Variants in OSBPL9 observed in about 807,000 individuals in gnomAD.
The protein encoded by OSBPL9 is oxysterol binding protein like 9, also known as oxysterol-binding protein-related protein 9.
OSBPL9 carries 40 observed loss-of-function variants against 106.6 expected under a neutral mutation model. The ratio of observed to expected loss-of-function variants is 0.38; its 90% confidence interval spans 0.29 to 0.49. The LOEUF (loss-of-function observed/expected upper bound fraction) is 0.49. OSBPL9 is among the 20% of genes least tolerant of loss of function. The pLI, the probability that OSBPL9 is intolerant of heterozygous loss-of-function variation, is 0.97. For missense variants in OSBPL9, 609 were observed against 887.2 expected, an observed-to-expected ratio of 0.69 and a Z score of 3.98; for synonymous variants, 269 against 295.4, an observed-to-expected ratio of 0.91 and a Z score of 0.92.
At chr1:51,677,611 G>A (rs1228939516) in intron 3 of OSBPL9, among the ~76,000 whole-genome samples, 1 of 151,990 alleles carries the variant, frequency 6.6e-6, no homozygotes, top group Admixed American at 6.6e-5. Flanking sequence ...GAGTGCAGTG[G>A]CACAACAACA....
intron 2 of OSBPL9, among the ~76,000 whole-genome samples, chr1:51,606,993 T>G (rs1049032371): frequency 4.6e-5 from 7 of 150,994 alleles, no homozygotes; most frequent in African/African-American, 1.7e-4. Flanking sequence ...GAGCTTGCAG[T>G]GAGCCGAGAT....
At chr1:51,584,630 C>T (rs947494088) in intron 1 of OSBPL9, among the ~76,000 whole-genome samples, 5 of 152,066 alleles carry the variant, frequency 3.3e-5, no homozygotes, top group Admixed American at 6.6e-5. Flanking sequence ...GCAGGAGAAT[C>T]GCTTGAACCT....
intron 8 of OSBPL9, among the ~76,000 whole-genome samples, chr1:51,751,198 G>A (rs1669160514): frequency 2.0e-5 from 3 of 151,904 alleles, no homozygotes; most frequent in Non-Finnish European, 2.9e-5. Flanking sequence ...ACTGATTCTC[G>A]TGCCTCAGCC....
chr1:51,724,005 G>A (rs1662636849), intron 4 of OSBPL9, among the ~76,000 whole-genome samples: 1 of 152,054 alleles, frequency 6.6e-6, no homozygotes, highest in Admixed American at 6.5e-5. Context: ...GCCATACAGT[G>A]GTGCCATCTG....
intron 3 of OSBPL9, among the ~76,000 whole-genome samples, chr1:51,692,085 T>C (rs772591893): frequency 6.6e-6 from 1 of 152,180 alleles, no homozygotes; most frequent in African/African-American, 2.4e-5. Context: ...GGCAGGAGGA[T>C]TGCTTGAGTC....
At chr1:51,707,147 G>A in intron 3 of OSBPL9, 2 of 389,684 alleles carry the variant, frequency 5.1e-6, no homozygotes, top group Non-Finnish European at 5.2e-6. Flanking sequence ...ACTCCTTGGA[G>A]GCCATGTGGA....
chr1:51,671,988 T>C (rs981886229), intron 3 of OSBPL9, among the ~76,000 whole-genome samples: 6 of 152,194 alleles, frequency 3.9e-5, no homozygotes, highest in African/African-American at 1.4e-4. Flanking sequence ...AGAGGTCAGC[T>C]CTGGCTGGAG....
the OSBPL9 span, among the ~76,000 whole-genome samples, chr1:51,559,466 C>T: frequency 6.6e-6 from 1 of 151,834 alleles, no homozygotes. Flanking sequence ...CACACACACA[C>T]ACTCCTCACA....
At chr1:51,688,041 C>T (rs60191120) in intron 3 of OSBPL9, among the ~76,000 whole-genome samples, 37,431 of 152,004 alleles carry the variant, frequency 0.25, 6,427 homozygotes, top group African/African-American at 0.48. Flanking sequence ...ATGAATGGAA[C>T]ATGACTATTC....
intron 4 of OSBPL9, among the ~76,000 whole-genome samples, chr1:51,732,064 C>T (rs1394892462): frequency 2.6e-5 from 4 of 152,100 alleles, no homozygotes; most frequent in Non-Finnish European, 5.9e-5. Context: ...ATATTTTGTA[C>T]GCTCAGCCAT....
At chr1:51,617,379 T>C (rs535080438) in intron 1 of OSBPL9, among the ~76,000 whole-genome samples, 158 bp downstream of exon 1, 1 of 152,092 alleles carries the variant, frequency 6.6e-6, no homozygotes, top group African/African-American at 2.4e-5. Context: ...ACGTCTCGGA[T>C]AGCCAATGAG....
At chr1:51,768,814 A>G (rs746073873) in intron 12 of OSBPL9, among the ~76,000 whole-genome samples, 6 of 152,148 alleles carry the variant, frequency 3.9e-5, no homozygotes, top group Admixed American at 3.3e-4. Flanking sequence ...GGTTCCTTCT[A>G]TGCTCTCCCA....
intron 3 of OSBPL9, among the ~76,000 whole-genome samples, chr1:51,673,293 T>C (rs1650350456): frequency 6.6e-6 from 1 of 152,202 alleles, no homozygotes; most frequent in Non-Finnish European, 1.5e-5. Flanking sequence ...GAGAAGTTTA[T>C]TGGTAACCTT....
At chr1:51,743,922 AAC>A (rs1667443109) in intron 4 of OSBPL9, among the ~76,000 whole-genome samples, 1 of 152,208 alleles carries the variant, frequency 6.6e-6, no homozygotes, top group Non-Finnish European at 1.5e-5. Flanking sequence ...AAGAAGTTTA[AAC>A]ACAGTTTTAT....
chr1:51,550,545 C>T, the OSBPL9 span, among the ~76,000 whole-genome samples: 1 of 152,216 alleles, frequency 6.6e-6, no homozygotes, highest in African/African-American at 2.4e-5. Flanking sequence ...CGGAGTCTCG[C>T]TCTGTTACCC....
chr1:51,564,052 C>CAAAAAAA, the OSBPL9 span, among the ~76,000 whole-genome samples: 109 of 27,368 alleles, frequency 4.0e-3, 9 homozygotes, highest in African/African-American at 0.012. Context: ...GAGATCATCT[C>CAAAAAAA]AAAAAAAAAA....
At chr1:51,769,674 GTGT>G (rs1557842300) in intron 12 of OSBPL9, among the ~76,000 whole-genome samples, 1 of 152,124 alleles carries the variant, frequency 6.6e-6, no homozygotes, top group African/African-American at 2.4e-5. Flanking sequence ...GTATACATAG[GTGT>G]TGTTTTTAAC....
intron 2 of OSBPL9, among the ~76,000 whole-genome samples, chr1:51,662,848 C>G (rs564491434): frequency 6.6e-6 from 1 of 151,592 alleles, no homozygotes; most frequent in South Asian, 2.1e-4. Context: ...AGGTTCACGC[C>G]ATTCTCCTGC....
chr1:51,532,293 A>C, the OSBPL9 span, among the ~76,000 whole-genome samples: 12 of 152,150 alleles, frequency 7.9e-5, no homozygotes, highest in African/African-American at 2.7e-4. Flanking sequence ...GTGAGCAATA[A>C]TGCAGCATTT....
Sources: allele counts gnomAD v4.1 joint callset (sites outside exome capture counted in the v4.1 genomes callset), GRCh38; gene constraint gnomAD v4.1.1; transcripts MANE v1.5; gene names NCBI Gene and HGNC (gene_info 2026-07-23, HGNC 2026-07-21).